The following ROCK1 variants were observed in gnomAD, a reference collection of about 807,000 sequenced individuals.
The protein encoded by ROCK1 is Rho associated coiled-coil containing protein kinase 1, also known as rho-associated protein kinase 1.
Under a neutral mutation model 196.8 loss-of-function variants are expected in ROCK1, and 36 were observed. That is an observed-to-expected ratio of 0.18 (90% CI 0.14 to 0.24). The LOEUF (loss-of-function observed/expected upper bound fraction) is 0.24. ROCK1 is among the 10% of genes least tolerant of loss of function. ROCK1 has a pLI of 1.00. For missense variants in ROCK1, 920 were observed against 1,562.0 expected, an observed-to-expected ratio of 0.59 and a Z score of 6.93; for synonymous variants, 443 against 515.9, an observed-to-expected ratio of 0.86 and a Z score of 1.91.
rs1176750430 is a variant in ROCK1, at chr18:21,008,168, A to G, written c.1437T>C (p.Ser479=). 6.3e-7 allele frequency: 1 copy of G among 1,584,214 alleles called. No individual in the cohort carries two copies. The highest frequency in any genetic ancestry group is 1.8e-5 in the Admixed American group (1 of 56,452). The change falls in exon 14 of 33, where the codon TCT becomes TCC. Residue 479 remains serine, a synonymous_variant. Coordinates refer to ENST00000399799, the MANE Select transcript of ROCK1 (RefSeq NM_005406.3). Reference sequence around the variant, plus strand: ...TCTCCTTCTCAATCTGAGACACTGTAGATTCTAGATTTCTTCTTTGATTTC... The same window carrying G: ...TCTCCTTCTCAATCTGAGACACTGTGGATTCTAGATTTCTTCTTTGATTTC... ...EEGNQRRNLE[S]TVSQIEKEKM...
intron 1 of ROCK1, among the ~76,000 whole-genome samples, chr18:21,094,277 T>C (rs2036594583): frequency 6.6e-6 from 1 of 152,216 alleles, no homozygotes; most frequent in Non-Finnish European, 1.5e-5. Flanking sequence ...TTAATGAGAC[T>C]AGGTTTTCCT....
At chr18:20,965,404 TATACATAC>T (rs35001699) in intron 27 of ROCK1, among the ~76,000 whole-genome samples, 555 of 146,802 alleles carry the variant, frequency 3.8e-3, no homozygotes, top group Middle Eastern at 0.015. Flanking sequence ...TACATACATA[TATACATAC>T]ATACATACAT....
At position 21,045,401 on chromosome 18, in the gene ROCK1, G is replaced by T; in HGVS notation, c.481C>A (p.Leu161Ile). The T allele has an allele frequency of 3.1e-6, 5 of 1,613,660 alleles. No homozygotes were observed. Among genetic ancestry groups the T allele is most frequent in the Non-Finnish European group, 4.2e-6 (5 of 1,179,888 alleles). ...MVMEYMPGGDLVNLMSNYDVP... is the reference protein window; with the variant it reads ...MVMEYMPGGDIVNLMSNYDVP... Reference sequence around the variant, plus strand: ...TCATAGTTGCTCATTAAGTTTACAAGATCTCCACCAGGCATGTATTCCATC... The same window carrying T: ...TCATAGTTGCTCATTAAGTTTACAATATCTCCACCAGGCATGTATTCCATC... The change falls in exon 5 of 33, where the codon CTT (leucine) becomes ATT (isoleucine). Residue 161 changes from leucine (L) to isoleucine (I), a missense_variant. Leu to Ile is a conservative substitution (Grantham distance 5). Transcript: ENST00000399799.
Position 20,973,874 on chromosome 18 carries a change from G to A in ROCK1, c.2655-3361C>T, listed in dbSNP as rs573616457. Among the ~76,000 whole-genome samples the A allele has an allele frequency of 1.2e-4, 18 of 146,694 alleles. No individual in the cohort carries two copies. The South Asian group carries it at 2.2e-3, about 18-fold the overall frequency. On this transcript the variant is annotated intron_variant, in intron 22 of 32. Transcript: ENST00000399799. ...CAGTGGTGTGATCTCGGCTCCTCCC[G>A]GGTTCACGCCATTCTCCTGCCTCAG...
At chr18:21,033,196 C>T (rs1248968929) in intron 9 of ROCK1, among the ~76,000 whole-genome samples, 3 of 151,650 alleles carry the variant, frequency 2.0e-5, no homozygotes, top group Non-Finnish European at 2.9e-5. Flanking sequence ...GACCTTATCT[C>T]TATTAAAAAA....
chr18:20,981,266 C>T (rs1173009481), intron 21 of ROCK1, among the ~76,000 whole-genome samples: 1 of 151,800 alleles, frequency 6.6e-6, no homozygotes, highest in Admixed American at 6.6e-5. Flanking sequence ...TGGTGGCGGG[C>T]GCCTGTAGTT....
chr18:21,072,804 T>A (rs1223889944), intron 1 of ROCK1, among the ~76,000 whole-genome samples: 4 of 151,984 alleles, frequency 2.6e-5, no homozygotes, highest in Non-Finnish European at 4.4e-5. Context: ...GGCACGGTGG[T>A]TCACTCCTGT....
At chr18:20,996,798 T>C (rs2035674790) in intron 16 of ROCK1, among the ~76,000 whole-genome samples, 1 of 152,316 alleles carries the variant, frequency 6.6e-6, no homozygotes, top group Non-Finnish European at 1.5e-5. Context: ...GGGGACTAAG[T>C]TAAAGTGTAG....
intron 8 of ROCK1, among the ~76,000 whole-genome samples, chr18:21,040,035 T>G (rs1194848681): frequency 6.6e-6 from 1 of 152,106 alleles, no homozygotes; most frequent in Non-Finnish European, 1.5e-5. Flanking sequence ...CCAGCCTGGA[T>G]GAAACACAGC....
At chr18:20,984,284 G>A in intron 20 of ROCK1, 67 bp downstream of exon 20, 1 of 1,207,458 alleles carries the variant, frequency 8.3e-7, no homozygotes, top group East Asian at 2.3e-5. Flanking sequence ...TATGTAAAAT[G>A]TCAAACACAC....
chr18:21,025,837 T>G (rs959040128), intron 10 of ROCK1, among the ~76,000 whole-genome samples: 2 of 152,236 alleles, frequency 1.3e-5, no homozygotes, highest in Non-Finnish European at 2.9e-5. Flanking sequence ...CTATATTTAT[T>G]TGTCAATAGG....
At chr18:20,987,134 C>T in intron 18 of ROCK1, 24 bp from the exon 19 acceptor site, 8 of 1,604,900 alleles carry the variant, frequency 5.0e-6, no homozygotes, top group Non-Finnish European at 6.8e-6. Context: ...AAGTTACAAA[C>T]ATACATTTAA....
At chr18:21,029,812 T>C (rs1057197855) in intron 9 of ROCK1, among the ~76,000 whole-genome samples, 6 of 152,066 alleles carry the variant, frequency 3.9e-5, no homozygotes, top group African/African-American at 1.4e-4. Context: ...TCTAAGAAAA[T>C]AAAATTTTAA....
At chr18:20,956,186 A>T (rs1328937499) in intron 29 of ROCK1, among the ~76,000 whole-genome samples, 7 of 152,118 alleles carry the variant, frequency 4.6e-5, no homozygotes, top group Non-Finnish European at 7.4e-5. Context: ...AGTGAAAGAG[A>T]AAGAGAGAGA....
At chr18:20,952,078 T>C (rs954698358) in intron 32 of ROCK1, among the ~76,000 whole-genome samples, 2 of 152,220 alleles carry the variant, frequency 1.3e-5, no homozygotes, top group African/African-American at 4.8e-5. Context: ...GATTTCATTA[T>C]TTCTCTCCAA....
intron 9 of ROCK1, among the ~76,000 whole-genome samples, chr18:21,037,367 T>C (rs1477858744): frequency 6.6e-6 from 1 of 152,118 alleles, no homozygotes; most frequent in Non-Finnish European, 1.5e-5. Context: ...CAAAAAAAAC[T>C]ATTATTTGTA....
chr18:21,073,712 T>C (rs1452581896), intron 1 of ROCK1, among the ~76,000 whole-genome samples: 1 of 152,202 alleles, frequency 6.6e-6, no homozygotes, highest in Non-Finnish European at 1.5e-5. Context: ...TTGAAAACTA[T>C]GGCAGCAAAA....
At chr18:21,064,922 T>C (rs1242108313) in intron 2 of ROCK1, among the ~76,000 whole-genome samples, 1 of 152,208 alleles carries the variant, frequency 6.6e-6, no homozygotes, top group Non-Finnish European at 1.5e-5. Context: ...TCTTAGGCAG[T>C]TTTGCCTCTC....
At chr18:21,004,792 T>A (rs2035754628) in intron 16 of ROCK1, among the ~76,000 whole-genome samples, 1 of 152,220 alleles carries the variant, frequency 6.6e-6, no homozygotes, top group African/African-American at 2.4e-5. Flanking sequence ...GAAAACAATT[T>A]AAGGAAGTCT....
Sources: allele counts gnomAD v4.1 joint callset (sites outside exome capture counted in the v4.1 genomes callset), GRCh38; gene constraint gnomAD v4.1.1; transcripts MANE v1.5; gene names NCBI Gene and HGNC (gene_info 2026-07-23, HGNC 2026-07-21).